The following SHC3 variants were observed in gnomAD, a reference collection of about 807,000 sequenced individuals.
SHC3 encodes SHC adaptor protein 3.
Under a neutral mutation model 60.4 loss-of-function variants are expected in SHC3, and 15 were observed. The observed-to-expected ratio is 0.25, with a 90% CI of 0.17 to 0.38. The LOEUF (loss-of-function observed/expected upper bound fraction) is 0.38. Among genes scored for constraint, SHC3 ranks in the 10% least tolerant of loss-of-function variants. The probability of loss-of-function intolerance (pLI) is 1.00; values close to 1 mark genes in which losing one functional copy is unlikely to be tolerated. For missense variants in SHC3, 677 were observed against 786.1 expected, an observed-to-expected ratio of 0.86 and a Z score of 1.66; for synonymous variants, 294 against 325.9, an observed-to-expected ratio of 0.90 and a Z score of 1.05.
At chr9:89,112,481 A>C in intron 2 of SHC3, 75 bp downstream of exon 2, 1 of 1,524,740 alleles carries the variant, frequency 6.6e-7, no homozygotes, top group Non-Finnish European at 9.0e-7. Flanking sequence ...TCTTCTAAAA[A>C]TGTGTCAGCT....
chr9:89,053,129 G>A (rs904070366), intron 6 of SHC3, among the ~76,000 whole-genome samples: 3 of 152,172 alleles, frequency 2.0e-5, no homozygotes, highest in South Asian at 2.1e-4. Flanking sequence ...CAGGGCTGTC[G>A]CCATGAGGAG....
rs1825945460 is a variant in SHC3 at position 89,006,672 on chromosome 9, T to C, written c.*6775A>G. ...ATTAAATTTACATGGAGTTGTCTCC[T>C]AATCCTGGGATTTTAACACCAAATG... On this transcript the variant is annotated 3_prime_UTR_variant, in exon 12 of 12. Transcript: ENST00000375835. 1 of 152,260 alleles carries C rather than the reference T, an allele frequency of 6.6e-6. No homozygotes were observed. The highest frequency in any genetic ancestry group is 2.1e-4 in the South Asian group (1 of 4,832). The allele number at this position is 152,260 out of a possible 1,614,324, so 9.4% of individuals were successfully genotyped here.
chr9:89,112,529 C>T (rs1825964067), intron 2 of SHC3, 27 bp downstream of exon 2: 1 of 1,601,484 alleles, frequency 6.2e-7, no homozygotes, highest in African/African-American at 1.3e-5. Flanking sequence ...AGTAAAATCA[C>T]AGGAGTCCAT....
At chr9:89,021,470 G>A (rs955853353) in intron 11 of SHC3, among the ~76,000 whole-genome samples, 2 of 152,230 alleles carry the variant, frequency 1.3e-5, no homozygotes, top group Admixed American at 1.3e-4. Context: ...GGAAGGCCTA[G>A]GCCCAGGTCA....
intron 2 of SHC3, among the ~76,000 whole-genome samples, chr9:89,107,742 G>A (rs1315178553): frequency 6.6e-6 from 1 of 152,150 alleles, no homozygotes; most frequent in East Asian, 1.9e-4. Context: ...GGTGGGGTGG[G>A]GTGGTAGGTA....
At chr9:89,035,860 T>TATATA (rs1336399611) in intron 11 of SHC3, among the ~76,000 whole-genome samples, 72 of 100,366 alleles carry the variant, frequency 7.2e-4, no homozygotes, top group East Asian at 2.7e-3. Flanking sequence ...GATGTGTGTG[T>TATATA]GTGTGTGTGT....
At chr9:89,170,637 T>G (rs2118266576) in intron 1 of SHC3, among the ~76,000 whole-genome samples, 1 of 152,262 alleles carries the variant, frequency 6.6e-6, no homozygotes, top group African/African-American at 2.4e-5. Flanking sequence ...AGAGCAAGAC[T>G]CCATCTCAGA....
intron 9 of SHC3, among the ~76,000 whole-genome samples, chr9:89,043,976 G>A (rs1824732862): frequency 6.6e-6 from 1 of 152,168 alleles, no homozygotes; most frequent in Non-Finnish European, 1.5e-5. Context: ...TCAAAGAAGA[G>A]CTGGAAATTT....
chr9:89,071,255 G>A lies in SHC3; in HGVS notation c.730-3C>T. 6.2e-7 allele frequency: 1 copy of A among 1,614,066 alleles called. No homozygotes were observed. Among genetic ancestry groups the A allele is most frequent in the Non-Finnish European group, 8.5e-7 (1 of 1,179,960 alleles). On this transcript the variant is annotated splice_region_variant and splice_polypyrimidine_tract_variant and intron_variant, in intron 4 of 11. Coordinates refer to ENST00000375835, the MANE Select transcript of SHC3 (RefSeq NM_016848.6). ...CGCATGTGGTGATTCGCTATGATCT[G>A]CCAGGCCCAAAACAAGAAACGAGAT... is the stretch of plus-strand genomic sequence containing the variant.
At chr9:89,105,832 T>A (rs1175048509) in intron 2 of SHC3, among the ~76,000 whole-genome samples, 3 of 152,186 alleles carry the variant, frequency 2.0e-5, no homozygotes, top group African/African-American at 7.2e-5. Context: ...AACTTCAGTT[T>A]GTTGCATCAA....
At chr9:89,042,515 C>T (rs1342049115) in intron 9 of SHC3, among the ~76,000 whole-genome samples, 1 of 152,240 alleles carries the variant, frequency 6.6e-6, no homozygotes, top group Non-Finnish European at 1.5e-5. Context: ...GACCTCCTCT[C>T]CTTGACAAAT....
intron 1 of SHC3, among the ~76,000 whole-genome samples, chr9:89,130,344 T>C (rs1473705461): frequency 1.3e-5 from 2 of 152,122 alleles, no homozygotes; most frequent in African/African-American, 2.4e-5. Flanking sequence ...CTGTTAACCT[T>C]AGACAGATCA....
At chr9:89,041,987 C>T in intron 10 of SHC3, 39 bp downstream of exon 10, 1 of 1,611,844 alleles carries the variant, frequency 6.2e-7, no homozygotes, top group South Asian at 1.1e-5. Context: ...AAAAAGCAAC[C>T]TCAAAAGAAA....
intron 1 of SHC3, among the ~76,000 whole-genome samples, chr9:89,153,493 T>G (rs915419760): frequency 7.9e-5 from 12 of 152,218 alleles, no homozygotes; most frequent in African/African-American, 2.9e-4. Flanking sequence ...TCCCTGGTTA[T>G]CACTTTGTCC....
intron 2 of SHC3, among the ~76,000 whole-genome samples, chr9:89,091,192 C>T (rs903444394): frequency 1.2e-4 from 19 of 152,136 alleles, no homozygotes; most frequent in Admixed American, 1.2e-3. Flanking sequence ...TAAGAAATTT[C>T]AAAAATTGTG....
At position 89,046,858 on chromosome 9, in the gene SHC3, G is replaced by C. The variant is rs775572196; in HGVS notation, c.1099C>G (p.Pro367Ala). ...ATAAGACTTACCTGGGCTGTGTCAG[G>C]AGCATGGGGTCTGGGTTTCAGTCTA... ...DTRLKPRPHA[P>A]DTAQFAGKEQ... The change falls in exon 8 of 12, where the codon CCT becomes GCT. Residue 367 changes from proline (P) to alanine (A), a missense_variant. Physicochemically the swap from Pro to Ala is conservative, Grantham distance 27. Coordinates refer to ENST00000375835, the MANE Select transcript of SHC3 (RefSeq NM_016848.6). 1.6e-5 allele frequency: 25 copies of C among 1,603,012 alleles called. No homozygotes were observed. Among genetic ancestry groups the C allele is most frequent in the Middle Eastern group, 1.7e-4 (1 of 5,774 alleles).
rs184745395 is a variant in SHC3 at position 89,163,771 on chromosome 9, C to G, written c.474+14216G>C. 2.5e-4 allele frequency among the ~76,000 whole-genome samples: 38 copies of G among 151,802 alleles called. No individual in the cohort carries two copies. The East Asian group carries it at 7.4e-3, about 29-fold the overall frequency. On this transcript the variant is annotated intron_variant, in intron 1 of 11. Transcript: ENST00000375835. ...AAAAAAAGAAAAGAAAAAAAATATA[C>G]CACAGACTGGGTGGCTTAAACTACA...
chr9:89,078,237 CTCTTCCCGACACTGTGATGCTA>C (rs1825391104), intron 2 of SHC3, among the ~76,000 whole-genome samples: 3 of 151,086 alleles, frequency 2.0e-5, no homozygotes, highest in Non-Finnish European at 4.4e-5. Flanking sequence ...CTAAAATATT[CTCTTCCCGACACTGTGATGCTA>C]TCTATCTCCA....
intron 2 of SHC3, among the ~76,000 whole-genome samples, chr9:89,092,540 C>T (rs1426547892): frequency 2.0e-5 from 3 of 150,720 alleles, no homozygotes; most frequent in African/African-American, 7.3e-5. Flanking sequence ...TGGTGTGAAC[C>T]CCAGAAGCAG....
Sources: allele counts gnomAD v4.1 joint callset (sites outside exome capture counted in the v4.1 genomes callset), GRCh38; gene constraint gnomAD v4.1.1; transcripts MANE v1.5; gene names NCBI Gene and HGNC (gene_info 2026-07-23, HGNC 2026-07-21).